Variants in GPC4 observed in about 807,000 individuals in gnomAD.
GPC4 encodes glypican 4, also known as glypican-4.
GPC4 carries 10 observed loss-of-function variants against 35.0 expected under a neutral mutation model. The observed-to-expected ratio is 0.29, with a 90% confidence interval of 0.18 to 0.48. The LOEUF (loss-of-function observed/expected upper bound fraction) is 0.48. Ranked by LOEUF, GPC4 falls within the 20% of genes least tolerant of loss-of-function variation. The probability of loss-of-function intolerance (pLI) is 0.99; values close to 1 mark genes in which losing one functional copy is unlikely to be tolerated. For missense variants in GPC4, 322 were observed against 451.3 expected, an observed-to-expected ratio of 0.71 and a Z score of 2.60; for synonymous variants, 167 against 170.2, an observed-to-expected ratio of 0.98 and a Z score of 0.15.
chrX:133,407,850 G>A (rs2068796364), intron 1 of GPC4, among the ~76,000 whole-genome samples: 2 of 112,041 alleles, frequency 1.8e-5, no homozygotes, highest in South Asian at 3.7e-4. Context: ...TTCTTCCCCC[G>A]AGCAGTTGGT....
rs192343729 is a variant in GPC4, at chrX:133,305,918, C to T, written c.1009G>A (p.Val337Ile). The T allele has an allele frequency of 8.3e-7, 1 of 1,209,185 alleles. No individual in the cohort carries two copies. Among genetic ancestry groups the T allele is most frequent in the African/African-American group, 1.8e-5 (1 of 56,954 alleles). ...QDNSVQVSQK[V>I]FQGCGPPKPL... The stretch of plus-strand genomic sequence containing the variant: ...TTGGGGGGTCCACATCCCTGGAAAA[C>T]CTGCATTAGAGTAAGTGTCGTCATG... Residue 337 changes from valine (V) to isoleucine (I), a missense_variant and splice_region_variant, in exon 6 of 9, where the codon GTT (valine) becomes ATT (isoleucine). This residue lies in a region of GPC4 where 163 missense variants were observed against 277.2 expected (regional missense o/e 0.59). Transcript: ENST00000370828.
At chrX:133,371,335 C>T (rs748371235) in intron 1 of GPC4, among the ~76,000 whole-genome samples, 46 of 112,331 alleles carry the variant, frequency 4.1e-4, no homozygotes, top group Admixed American at 2.8e-3. Flanking sequence ...AACTATAAAT[C>T]GCTAAGAGGC....
At chrX:133,375,253 T>C (rs1046014573) in intron 1 of GPC4, among the ~76,000 whole-genome samples, 3 of 111,555 alleles carry the variant, frequency 2.7e-5, no homozygotes, top group Admixed American at 9.6e-5. Context: ...ATGTGTCCTC[T>C]GGGAAACAAT....
At chrX:133,345,462 C>A (rs1345162939) in intron 1 of GPC4, among the ~76,000 whole-genome samples, 2 of 112,354 alleles carry the variant, frequency 1.8e-5, no homozygotes, top group Non-Finnish European at 3.8e-5. Context: ...CAGCCTAAAG[C>A]TGCCTCCTTA....
chrX:133,374,490 A>G (rs2068625503), intron 1 of GPC4, among the ~76,000 whole-genome samples: 1 of 111,722 alleles, frequency 9.0e-6, no homozygotes, highest in African/African-American at 3.3e-5. Flanking sequence ...TCAAAATTTA[A>G]AAGTGTTAAA....
At chrX:133,368,637 G>A (rs753521751) in intron 1 of GPC4, among the ~76,000 whole-genome samples, 3 of 110,302 alleles carry the variant, frequency 2.7e-5, no homozygotes, top group Non-Finnish European at 5.7e-5. Flanking sequence ...ATATAACATT[G>A]AGTAACATTA....
chrX:133,337,836 A>G (rs1003779186), intron 2 of GPC4, among the ~76,000 whole-genome samples: 1 of 110,865 alleles, frequency 9.0e-6, no homozygotes, highest in Non-Finnish European at 1.9e-5. Context: ...GTATTAACAT[A>G]TTGTTAAATA....
At chrX:133,399,577 C>T (rs1053903253) in intron 1 of GPC4, among the ~76,000 whole-genome samples, 1 of 112,306 alleles carries the variant, frequency 8.9e-6, no homozygotes, top group East Asian at 2.8e-4. Flanking sequence ...CTCACCTGTA[C>T]CAACCAATCA....
At chrX:133,317,495 G>T (rs759497815) in intron 3 of GPC4, among the ~76,000 whole-genome samples, 22 of 110,327 alleles carry the variant, frequency 2.0e-4, no homozygotes, top group African/African-American at 6.6e-4. Flanking sequence ...AAAAAAAAAT[G>T]CTGGAACAGA....
At chrX:133,311,470 G>C in intron 3 of GPC4, 47 bp from the exon 4 acceptor site, 1 of 1,136,796 alleles carries the variant, frequency 8.8e-7, no homozygotes, top group South Asian at 1.8e-5. Context: ...GGCTAAAATA[G>C]AGACAGAAAT....
rs923833353 is a variant in GPC4 at position 133,304,583 on chromosome X, A to T, written c.1292+142T>A. 2.9e-5 allele frequency: 19 copies of T among 651,869 alleles called. No individual in the cohort carries two copies. The East Asian group carries it at 5.9e-4, about 20-fold the overall frequency. The allele number at this position is 651,869 out of a possible 1,213,427, so 53.7% of individuals were successfully genotyped here. ...CCTAGTGCAAAGCCTGTTCCTAAGA[A>T]CACCTAGAAGCCTTCCATGTTGTTG... is the stretch of plus-strand genomic sequence containing the variant. On this transcript the variant is annotated intron_variant, in intron 7 of 8. Coordinates refer to ENST00000370828, the MANE Select transcript of GPC4 (RefSeq NM_001448.3).
At position 133,321,006 on chromosome X, in the gene GPC4, C is replaced by T. The variant is rs183431824; in HGVS notation, c.711+3139G>A. Among the ~76,000 whole-genome samples the T allele has an allele frequency of 4.2e-4, 47 of 111,607 alleles. 1 individual carries two copies. Among genetic ancestry groups the T allele is most frequent in the African/African-American group, 1.3e-3 (40 of 30,723 alleles). On this transcript the variant is annotated intron_variant, in intron 3 of 8. Transcript: ENST00000370828. ...GCAGTGAGCTATGATTGTGCCACTG[C>T]GCTCCAGCCTGGGTGAAAGAGCAAG...
At chrX:133,363,963 C>T (rs1420702524) in intron 1 of GPC4, among the ~76,000 whole-genome samples, 2 of 111,974 alleles carry the variant, frequency 1.8e-5, no homozygotes, top group African/African-American at 6.5e-5. Context: ...TGGCTTTTTT[C>T]ATAAAACATA....
At chrX:133,320,795 G>GCC (rs2068361630) in intron 3 of GPC4, among the ~76,000 whole-genome samples, 1 of 109,830 alleles carries the variant, frequency 9.1e-6, no homozygotes, top group Non-Finnish European at 1.9e-5. Flanking sequence ...ATCGCTTGAG[G>GCC]CCAGGAGTTC....
intron 1 of GPC4, among the ~76,000 whole-genome samples, chrX:133,377,369 C>T (rs1436673220): frequency 9.0e-6 from 1 of 111,592 alleles, no homozygotes; most frequent in Non-Finnish European, 1.9e-5. Flanking sequence ...GTGTACCCAA[C>T]ACCCACTCCC....
intron 1 of GPC4, among the ~76,000 whole-genome samples, chrX:133,414,183 T>C (rs1242318621): frequency 9.0e-6 from 1 of 110,951 alleles, no homozygotes; most frequent in Non-Finnish European, 1.9e-5. Flanking sequence ...GTTTGCTTTT[T>C]AAAGGCGACT....
intron 6 of GPC4, among the ~76,000 whole-genome samples, chrX:133,305,457 A>C (rs1211819858): frequency 3.6e-5 from 4 of 112,304 alleles, no homozygotes; most frequent in Non-Finnish European, 5.6e-5. Context: ...TTTGAGAACA[A>C]GGATCTGCCT....
chrX:133,404,887 C>T (rs2068780894), intron 1 of GPC4, among the ~76,000 whole-genome samples: 1 of 98,694 alleles, frequency 1.0e-5, no homozygotes, highest in South Asian at 4.7e-4. Flanking sequence ...GGAACAAAAT[C>T]ATAAACCACA....
chrX:133,312,264 G>A (rs946980639), intron 3 of GPC4, among the ~76,000 whole-genome samples: 8 of 110,882 alleles, frequency 7.2e-5, no homozygotes, highest in Admixed American at 2.9e-4. Flanking sequence ...GGGGAATTGC[G>A]GGAAATAAGG....
Sources: allele counts gnomAD v4.1 joint callset (sites outside exome capture counted in the v4.1 genomes callset), GRCh38; gene constraint gnomAD v4.1.1; regional missense constraint gnomAD v4.1.1; transcripts MANE v1.5; gene names NCBI Gene and HGNC (gene_info 2026-07-23, HGNC 2026-07-21).